The following ANLN variants were observed in gnomAD, a reference collection of about 807,000 sequenced individuals.
The protein encoded by ANLN is anillin, actin binding protein.
In ANLN, 59 loss-of-function variants were observed where a neutral mutation model predicts 135.1. That is an observed-to-expected ratio of 0.44 (90% CI 0.35 to 0.54). The LOEUF (loss-of-function observed/expected upper bound fraction) is 0.54, where lower values mean the gene tolerates loss of function less well. Ranked by LOEUF, ANLN falls within the 20% of genes least tolerant of loss-of-function variation. The pLI is 0.00. For missense variants in ANLN, 1,182 were observed against 1,340.0 expected, an observed-to-expected ratio of 0.88 and a Z score of 1.84; for synonymous variants, 406 against 456.4, an observed-to-expected ratio of 0.89 and a Z score of 1.41.
intron 20 of ANLN, among the ~76,000 whole-genome samples, chr7:36,435,674 C>G (rs554253335): frequency 7.1e-4 from 108 of 151,540 alleles, no homozygotes; most frequent in Admixed American, 3.9e-3. Context: ...GAGATCGAGA[C>G]CATCCTGGCT....
chr7:36,409,270 C>T (rs749901318), intron 5 of ANLN, among the ~76,000 whole-genome samples: 1 of 152,190 alleles, frequency 6.6e-6, no homozygotes, highest in Non-Finnish European at 1.5e-5. Context: ...TCTTAATGGA[C>T]TCTAGTTTGG....
chr7:36,419,489 G>A lies in ANLN; in HGVS notation c.1869+10G>A, dbSNP rs1171897223. The A allele has an allele frequency of 1.9e-6, 3 of 1,609,040 alleles. No homozygotes were observed. The African/African-American group carries it at 4.0e-5, about 21-fold the overall frequency. ...TGTGGTAAGTCCAGAGGTAAGAAAA[G>A]GCTAACTAAACAGGCCCAGGACATA... On this transcript the variant is annotated intron_variant, in intron 10 of 23. Transcript: ENST00000265748.
rs1198291964 is a variant in ANLN at position 36,425,729 on chromosome 7, T to C, written c.2737T>C (p.Ser913Pro). Residue 913 changes from serine (S) to proline (P), a missense_variant, in exon 18 of 24, where the codon TCT (serine) becomes CCT (proline). This residue lies in a region of ANLN where 1,022 missense variants were observed against 1,134.0 expected (regional missense o/e 0.90). Coordinates refer to ENST00000265748, the MANE Select transcript of ANLN (RefSeq NM_018685.5). ...TATTACTCCAAAGCGACTCCTCACA[T>C]CTATAACCACAGTAAGTAGAATTTT... ...KAITPKRLLTSITTKSNIHSS... is the reference protein window; with the variant it reads ...KAITPKRLLTPITTKSNIHSS... 1 of 1,611,988 alleles carries C rather than the reference T, an allele frequency of 6.2e-7. No individual in the cohort carries two copies. The highest frequency in any genetic ancestry group is 1.3e-5 in the African/African-American group (1 of 74,852).
At chr7:36,413,324 C>T (rs1787505365) in intron 7 of ANLN, among the ~76,000 whole-genome samples, 1 of 152,108 alleles carries the variant, frequency 6.6e-6, no homozygotes. Context: ...TAAGCTTTGC[C>T]ACCACTCCTT....
At chr7:36,449,892 G>A (rs1400050391) in intron 23 of ANLN, 55 bp downstream of exon 23, 2 of 1,531,018 alleles carry the variant, frequency 1.3e-6, no homozygotes, top group Non-Finnish European at 1.8e-6. Flanking sequence ...TGCCCACTAT[G>A]TACTTACCAC....
chr7:36,401,575 G>A (rs2116541111), intron 3 of ANLN, among the ~76,000 whole-genome samples: 1 of 145,976 alleles, frequency 6.9e-6, no homozygotes, highest in South Asian at 2.1e-4. Context: ...CTGACCTCAG[G>A]TGATCCGCCT....
chr7:36,410,328 A>C (rs1787358499), intron 5 of ANLN, among the ~76,000 whole-genome samples, 186 bp from the exon 6 acceptor site: 1 of 151,444 alleles, frequency 6.6e-6, no homozygotes, highest in African/African-American at 2.4e-5. Flanking sequence ...GTTTTAGGGC[A>C]TGTACTTAAA....
intron 2 of ANLN, 90 bp downstream of exon 2, chr7:36,396,509 C>G: frequency 7.6e-7 from 1 of 1,317,488 alleles, no homozygotes; most frequent in East Asian, 2.5e-5. Context: ...TATAGAAGAA[C>G]CAAGCTCTTT....
At chr7:36,426,831 C>G (rs1583633934) in intron 19 of ANLN, 85 bp from the exon 20 acceptor site, 1 of 672,668 alleles carries the variant, frequency 1.5e-6, no homozygotes, top group Admixed American at 3.6e-5. Flanking sequence ...GCTTAATTTT[C>G]TTCTACTGGG....
intron 20 of ANLN, chr7:36,428,422 C>A: frequency 2.1e-6 from 2 of 932,182 alleles, no homozygotes; most frequent in Non-Finnish European, 3.0e-6. Flanking sequence ...AATTTTTGAT[C>A]TACATATATT....
chr7:36,440,260 A>G (rs765315528), intron 21 of ANLN, among the ~76,000 whole-genome samples: 13 of 152,222 alleles, frequency 8.5e-5, no homozygotes, highest in Non-Finnish European at 1.3e-4. Context: ...GAAGGAGGGA[A>G]GCCTCAGAGG....
chr7:36,406,177 T>G lies in ANLN; in HGVS notation c.488-4T>G, dbSNP rs1326626194. 2 of 1,582,152 alleles carry G rather than the reference T, an allele frequency of 1.3e-6. No homozygotes were observed. The highest frequency in any genetic ancestry group is 2.7e-5 in the African/African-American group (2 of 73,498). On this transcript the variant is annotated splice_region_variant and splice_polypyrimidine_tract_variant and intron_variant, in intron 3 of 23. Coordinates refer to ENST00000265748, the MANE Select transcript of ANLN (RefSeq NM_018685.5). ...TTTTAACTCTTTTCTGAAAACATTT[T>G]CAGATGACATTCCTGAAAGCTCACT...
At chr7:36,400,130 C>T (rs1236197818) in intron 3 of ANLN, among the ~76,000 whole-genome samples, 1 of 152,276 alleles carries the variant, frequency 6.6e-6, no homozygotes, top group African/African-American at 2.4e-5. Context: ...ACTGTAAAGT[C>T]TTCCTTTTGC....
At chr7:36,432,428 C>T (rs1379822523) in intron 20 of ANLN, among the ~76,000 whole-genome samples, 2 of 152,194 alleles carry the variant, frequency 1.3e-5, no homozygotes, top group Non-Finnish European at 2.9e-5. Context: ...GTTGAAGATC[C>T]TTCACCTTCC....
chr7:36,396,203 AC>A, intron 1 of ANLN, 62 bp from the exon 2 acceptor site: 1 of 1,412,252 alleles, frequency 7.1e-7, no homozygotes, highest in Non-Finnish European at 9.5e-7. Context: ...TTTAGAAGAT[AC>A]TGCAATTTTA....
chr7:36,411,418 A>G (rs1787407593), intron 7 of ANLN, among the ~76,000 whole-genome samples: 1 of 152,210 alleles, frequency 6.6e-6, no homozygotes, highest in Non-Finnish European at 1.5e-5. Context: ...TATTTTCATC[A>G]TTCATTTGAT....
intron 7 of ANLN, among the ~76,000 whole-genome samples, chr7:36,411,477 C>A (rs780182745): frequency 1.3e-5 from 2 of 152,140 alleles, no homozygotes; most frequent in African/African-American, 2.4e-5. Context: ...TAAAATATTT[C>A]GAGAGTCTAC....
chr7:36,423,393 T>G (rs1787957935), intron 14 of ANLN, among the ~76,000 whole-genome samples: 1 of 152,156 alleles, frequency 6.6e-6, no homozygotes, highest in South Asian at 2.1e-4. Context: ...TAATGACAAA[T>G]GGTGAAGAAA....
chr7:36,399,416 G>A (rs1468445236), intron 3 of ANLN, 23 bp downstream of exon 3: 1 of 1,548,666 alleles, frequency 6.5e-7, no homozygotes, highest in African/African-American at 1.4e-5. Context: ...TAGATGGTAT[G>A]GCCCATACAT....
Sources: gnomAD v4.1 joint callset for allele counts (sites outside exome capture counted in the v4.1 genomes callset) on GRCh38, gnomAD v4.1.1 for gene constraint, gnomAD v4.1.1 regional missense constraint, MANE v1.5 for transcripts, NCBI Gene and HGNC (gene_info 2026-07-23, HGNC 2026-07-21) for gene names.